The following CFH variants were observed in gnomAD, a reference collection of about 807,000 sequenced individuals.
CFH encodes the protein complement factor H.
A neutral mutation model predicts 147.3 loss-of-function variants in CFH; 53 were observed. The observed-to-expected ratio is 0.36, with a 90% CI of 0.29 to 0.45. The LOEUF (loss-of-function observed/expected upper bound fraction) is 0.45. Among genes scored for constraint, CFH ranks in the 20% least tolerant of loss-of-function variants. CFH has a pLI of 1.00. For synonymous variants in CFH, 536 were observed against 489.4 expected (o/e 1.10, Z -1.26); for missense variants, 1,380 against 1,498.0 (o/e 0.92, Z 1.30).
intron 12 of CFH, among the ~76,000 whole-genome samples, chr1:196,726,006 T>C (rs1055783579): frequency 2.6e-5 from 4 of 152,226 alleles, no homozygotes; most frequent in Admixed American, 6.5e-5. Flanking sequence ...ACATCCATTC[T>C]GGACATTTTA....
At chr1:196,742,888 A>C (rs565153747) in intron 19 of CFH, among the ~76,000 whole-genome samples, 1 of 152,160 alleles carries the variant, frequency 6.6e-6, no homozygotes, top group African/African-American at 2.4e-5. Flanking sequence ...TTTTAAAAAA[A>C]TTTTTCCACA....
At chr1:196,740,565 T>G in intron 17 of CFH, 54 bp from the exon 18 acceptor site, 1 of 1,539,582 alleles carries the variant, frequency 6.5e-7, no homozygotes, top group Admixed American at 1.7e-5. Context: ...AAAACAGGCA[T>G]ATAAAATTAA....
chr1:196,661,358 CT>C (rs1666896619), intron 1 of CFH, among the ~76,000 whole-genome samples: 1 of 152,114 alleles, frequency 6.6e-6, no homozygotes, highest in African/African-American at 2.4e-5. Context: ...ACTTCTAAAA[CT>C]TTTTTCTTTG....
At chr1:196,693,946 T>C (rs887071826) in intron 9 of CFH, among the ~76,000 whole-genome samples, 1 of 139,018 alleles carries the variant, frequency 7.2e-6, no homozygotes, top group East Asian at 2.2e-4. Flanking sequence ...CTGGGTTTGT[T>C]AGATAAATGG....
intron 15 of CFH, among the ~76,000 whole-genome samples, chr1:196,729,125 G>A (rs1374447382): frequency 6.6e-6 from 1 of 151,878 alleles, no homozygotes; most frequent in Non-Finnish European, 1.5e-5. Flanking sequence ...CCAATTGTGG[G>A]TTTCCTTGCC....
chr1:196,670,026 T>C (rs781519009), intron 1 of CFH, among the ~76,000 whole-genome samples: 1 of 152,192 alleles, frequency 6.6e-6, no homozygotes, highest in Non-Finnish European at 1.5e-5. Context: ...AAGGGGACTG[T>C]TTTGGAACTT....
intron 11 of CFH, among the ~76,000 whole-genome samples, chr1:196,717,120 C>T (rs758798702): frequency 5.3e-5 from 8 of 151,824 alleles, no homozygotes; most frequent in Non-Finnish European, 8.8e-5. Context: ...AGAATGTTGC[C>T]ATAGACATAA....
chr1:196,684,664 G>C (rs138795187), intron 6 of CFH, among the ~76,000 whole-genome samples: 1 of 151,948 alleles, frequency 6.6e-6, no homozygotes, highest in Non-Finnish European at 1.5e-5. Flanking sequence ...AAGAGGAAGG[G>C]TTGCGCAGTC....
chr1:196,747,383 T>G lies in CFH; in HGVS notation c.*70T>G. The G allele has an allele frequency of 6.3e-7, 1 of 1,596,338 alleles. No homozygotes were observed. The highest frequency in any genetic ancestry group is 8.6e-7 in the Non-Finnish European group (1 of 1,166,316). On this transcript the variant is annotated 3_prime_UTR_variant, in exon 22 of 22. Transcript: ENST00000367429. Reference sequence around the variant, plus strand: ...AATCAGTTCTCAATTTCATTTTTTATGTATTGTTTTACTCCTTTTTATTCA... The same window carrying G: ...AATCAGTTCTCAATTTCATTTTTTAGGTATTGTTTTACTCCTTTTTATTCA...
At chr1:196,664,593 G>T (rs543437771) in intron 1 of CFH, among the ~76,000 whole-genome samples, 1 of 152,122 alleles carries the variant, frequency 6.6e-6, no homozygotes, top group Non-Finnish European at 1.5e-5. Flanking sequence ...AACAAGCAGC[G>T]ATTGGATTTG....
In CFH at chr1:196,692,452, G is replaced by A. The variant is rs565718418; in HGVS notation, c.1336+2213G>A. On this transcript the variant is annotated intron_variant, in intron 9 of 21. Transcript: ENST00000367429. ...ATCAAACAACTCAATCAACGTTTAT[G>A]CCTCTTGGTTTGATTTTGGAGCTGA... is the stretch of plus-strand genomic sequence containing the variant. 47 of 579,852 alleles carry A rather than the reference G, an allele frequency of 8.1e-5. No individual in the cohort carries two copies. In the African/African-American group the frequency reaches 8.6e-4, roughly 11 times the overall value. 35.9% of individuals were successfully genotyped at this position (579,852 alleles called of 1,614,324 possible).
intron 11 of CFH, among the ~76,000 whole-genome samples, chr1:196,722,823 G>A (rs1191276742): frequency 1.3e-5 from 2 of 152,032 alleles, no homozygotes; most frequent in East Asian, 1.9e-4. Flanking sequence ...GGAAAGACCT[G>A]TCTTCAAGCT....
At chr1:196,671,703 T>C (rs752834531) in intron 1 of CFH, among the ~76,000 whole-genome samples, 4 of 149,504 alleles carry the variant, frequency 2.7e-5, no homozygotes, top group Non-Finnish European at 3.0e-5. Flanking sequence ...TGTGTACATA[T>C]ATTAGACTTT....
chr1:196,681,951 G>T (rs150840763), intron 6 of CFH, among the ~76,000 whole-genome samples: 7 of 151,702 alleles, frequency 4.6e-5, no homozygotes, highest in Non-Finnish European at 8.9e-5. Flanking sequence ...AACTCTCTTT[G>T]TTGCTTCTAA....
At chr1:196,730,090 T>C (rs554032026) in intron 15 of CFH, among the ~76,000 whole-genome samples, 30 of 152,012 alleles carry the variant, frequency 2.0e-4, no homozygotes, top group South Asian at 4.1e-4. Context: ...ACTTTTACTC[T>C]GATCTTTATG....
chr1:196,701,062 G>A (rs1013746462), intron 9 of CFH, among the ~76,000 whole-genome samples: 10 of 152,176 alleles, frequency 6.6e-5, no homozygotes, highest in African/African-American at 1.9e-4. Flanking sequence ...AGACTAGAGG[G>A]CATTGCTTGG....
Position 196,737,552 on chromosome 1 carries a change from G to T in CFH, c.2674G>T (p.Ala892Ser), listed in dbSNP as rs780895684. Reference protein sequence around the residue: ...NSSRSSQESYAHGTKLSYTCE... With the variant: ...NSSRSSQESYSHGTKLSYTCE... ...ATCCAGGTCTTCACAAGAAAGTTAT[G>T]CACATGGGACTAAATTGAGTTATAC... Residue 892 changes from alanine (A) to serine (S), a missense_variant, in exon 17 of 22, where the codon GCA (alanine) becomes TCA (serine). Physicochemically the swap from Ala to Ser is moderately conservative, Grantham distance 99 (BLOSUM62 1). Coordinates refer to ENST00000367429, the MANE Select transcript of CFH (RefSeq NM_000186.4). 1.2e-6 allele frequency: 2 copies of T among 1,613,250 alleles called. No homozygotes were observed. The highest frequency in any genetic ancestry group is 2.2e-5 in the South Asian group (2 of 91,070).
chr1:196,730,631 T>A (rs746473690), intron 15 of CFH, among the ~76,000 whole-genome samples: 6 of 151,844 alleles, frequency 4.0e-5, no homozygotes, highest in Non-Finnish European at 8.9e-5. Context: ...GTTTCCTTAT[T>A]GATATTCTGT....
chr1:196,668,650 A>G (rs1667177049), intron 1 of CFH, among the ~76,000 whole-genome samples: 1 of 152,112 alleles, frequency 6.6e-6, no homozygotes, highest in East Asian at 1.9e-4. Context: ...AGCATCTGGC[A>G]TTTCCCCAAC....
Sources: gnomAD v4.1 joint callset for allele counts (sites outside exome capture counted in the v4.1 genomes callset) on GRCh38, gnomAD v4.1.1 for gene constraint, MANE v1.5 for transcripts, NCBI Gene and HGNC (gene_info 2026-07-23, HGNC 2026-07-21) for gene names.